DNAJC15: variants seen among roughly 807,000 people sequenced by gnomAD.
The protein encoded by DNAJC15 is dnaJ homolog subfamily C member 15.
A neutral mutation model predicts 22.4 loss-of-function variants in DNAJC15; 27 were observed. The observed-to-expected ratio is 1.20, with a 90% CI of 0.89 to 1.66. The LOEUF is 1.66. Among genes scored for constraint, DNAJC15 ranks in the 40% most tolerant of loss-of-function variants. The pLI is 0.00. For synonymous variants in DNAJC15, 79 were observed against 63.2 expected, an observed-to-expected ratio of 1.25 and a Z score of -1.19; for missense variants, 208 against 187.1, an observed-to-expected ratio of 1.11 and a Z score of -0.65.
At chr13:43,084,558 A>C (rs898726551) in intron 4 of DNAJC15, among the ~76,000 whole-genome samples, 1 of 152,232 alleles carries the variant, frequency 6.6e-6, no homozygotes, top group African/African-American at 2.4e-5. Flanking sequence ...CAATAATTAC[A>C]CTGTGCTTTA....
intron 1 of DNAJC15, among the ~76,000 whole-genome samples, chr13:43,049,365 A>G (rs1337381584): frequency 2.0e-5 from 3 of 152,266 alleles, no homozygotes; most frequent in African/African-American, 7.2e-5. Context: ...CATGTTTACA[A>G]CTGGATCAGA....
In DNAJC15 at chr13:43,043,742, G is replaced by T. The variant is rs185274680; in HGVS notation, c.108+20008G>T. On this transcript the variant is annotated intron_variant, in intron 1 of 5. Transcript: ENST00000379221. The stretch of plus-strand genomic sequence containing the variant: ...CTGTAGATACTAATGCTTGCCTGTG[G>T]TTTAAGAGAAATTAAGCAACTTAAA... Among the ~76,000 whole-genome samples the T allele has an allele frequency of 2.0e-5, 3 of 152,300 alleles. No individual in the cohort carries two copies. In the East Asian group the frequency reaches 5.8e-4, roughly 29 times the overall value.
At chr13:43,085,657 CA>C in intron 4 of DNAJC15, 110 bp from the exon 5 acceptor site, 1 of 745,654 alleles carries the variant, frequency 1.3e-6, no homozygotes, top group South Asian at 2.0e-5. Context: ...TATTTGTCCA[CA>C]AGATGGTGAA....
Position 43,068,999 on chromosome 13 carries a change from C to T in DNAJC15, c.230C>T (p.Thr77Ile), listed in dbSNP as rs1477233100. The change falls in exon 3 of 6, where the codon ACT becomes ATT. Residue 77 changes from threonine (T) to isoleucine (I), a missense_variant. By Grantham distance (89) the Thr-to-Ile change is moderately conservative. Coordinates refer to ENST00000379221, the MANE Select transcript of DNAJC15 (RefSeq NM_013238.3). ...VITETAKKISTPSFSSYYKGG... is the reference protein window; with the variant it reads ...VITETAKKISIPSFSSYYKGG... The stretch of plus-strand genomic sequence containing the variant: ...ACAGAAACTGCAAAGAAGATTTCAA[C>T]TCCTGTAAGTTAAACGTGGCTTTAG... 2 of 1,611,938 alleles carry T rather than the reference C, an allele frequency of 1.2e-6. No individual in the cohort carries two copies. The highest frequency in any genetic ancestry group is 4.5e-5 in the East Asian group (2 of 44,700).
At position 43,109,809 on chromosome 13, in the gene DNAJC15, T is replaced by A. The variant is rs2040815936; in HGVS notation, c.*2561T>A. On this transcript the variant is annotated 3_prime_UTR_variant, in exon 6 of 6. Transcript: ENST00000379221. The stretch of plus-strand genomic sequence containing the variant: ...CACCAACATGGCTCATGTCTACATA[T>A]GTAACAAACCTGCACGTTGTGCACA... 1 of 152,154 alleles carries A rather than the reference T, an allele frequency of 6.6e-6. No individual in the cohort carries two copies. Among genetic ancestry groups the A allele is most frequent in the Non-Finnish European group, 1.5e-5 (1 of 68,030 alleles). 9.4% of individuals were successfully genotyped at this position (152,154 alleles called of 1,614,324 possible). A position where few individuals can be genotyped will look rare whatever the true frequency, so the allele number is the denominator to read the frequency against.
At chr13:43,035,867 T>C (rs949224155) in intron 1 of DNAJC15, among the ~76,000 whole-genome samples, 1 of 151,284 alleles carries the variant, frequency 6.6e-6, no homozygotes, top group African/African-American at 2.4e-5. Context: ...ACCACAGGAG[T>C]GTGCCATCAT....
intron 4 of DNAJC15, among the ~76,000 whole-genome samples, chr13:43,082,362 A>G (rs2040666043): frequency 6.6e-6 from 1 of 152,182 alleles, no homozygotes; most frequent in Non-Finnish European, 1.5e-5. Flanking sequence ...TTTAGTTTTT[A>G]TACTAAGCTT....
At chr13:43,023,839 C>T (rs2040364856) in intron 1 of DNAJC15, 105 bp downstream of exon 1, 1 of 1,099,308 alleles carries the variant, frequency 9.1e-7, no homozygotes, top group East Asian at 2.6e-5. Flanking sequence ...CCCGCATTCG[C>T]TCACGGTCTG....
At chr13:43,023,841 C>A (rs2281778) in intron 1 of DNAJC15, 107 bp downstream of exon 1, 1 of 1,064,366 alleles carries the variant, frequency 9.4e-7, no homozygotes, top group Non-Finnish European at 1.4e-6. Context: ...CGCATTCGCT[C>A]ACGGTCTGTG....
At chr13:43,101,584 A>G (rs1938921965) in intron 5 of DNAJC15, among the ~76,000 whole-genome samples, 1 of 152,008 alleles carries the variant, frequency 6.6e-6, no homozygotes, top group South Asian at 2.1e-4. Context: ...TCTTCCCCCT[A>G]AGTCTCCAAA....
At chr13:43,066,223 A>G (rs1484725789) in intron 2 of DNAJC15, among the ~76,000 whole-genome samples, 1 of 151,964 alleles carries the variant, frequency 6.6e-6, no homozygotes, top group Non-Finnish European at 1.5e-5. Context: ...TTCACTGCTA[A>G]AATTACGTTT....
intron 3 of DNAJC15, among the ~76,000 whole-genome samples, chr13:43,076,439 T>G (rs1463501011): frequency 6.6e-6 from 1 of 152,226 alleles, no homozygotes; most frequent in African/African-American, 2.4e-5. Flanking sequence ...CCTTAGTTTC[T>G]TTTAGTATTC....
intron 5 of DNAJC15, among the ~76,000 whole-genome samples, chr13:43,104,940 C>A (rs2040789099): frequency 6.6e-6 from 1 of 151,876 alleles, no homozygotes; most frequent in African/African-American, 2.4e-5. Context: ...CCTCTCACCT[C>A]ACCCTCCCAA....
At chr13:43,105,381 C>G (rs113543840) in intron 5 of DNAJC15, among the ~76,000 whole-genome samples, 3 of 152,272 alleles carry the variant, frequency 2.0e-5, no homozygotes, top group African/African-American at 7.2e-5. Flanking sequence ...TCAAACACTA[C>G]TTGAAGAGAC....
intron 1 of DNAJC15, among the ~76,000 whole-genome samples, chr13:43,036,439 G>A (rs533400831): frequency 6.2e-4 from 94 of 152,242 alleles, no homozygotes; most frequent in African/African-American, 2.2e-3. Context: ...CAGAATGGAG[G>A]AAGTGCATGT....
intron 5 of DNAJC15, among the ~76,000 whole-genome samples, chr13:43,098,504 C>T (rs981094091): frequency 3.3e-5 from 5 of 152,052 alleles, no homozygotes; most frequent in South Asian, 2.1e-4. Context: ...TCTGATAAAC[C>T]GAATCAGACT....
In DNAJC15 at chr13:43,082,333, G is replaced by A. The variant is rs539238633; in HGVS notation, c.312-3435G>A. On this transcript the variant is annotated intron_variant, in intron 4 of 5. Transcript: ENST00000379221. ...CATCATATTTAAAGTTATACTGGAGGTATATCATCATAGCTACATTTAGTT... is the reference window on the plus strand; with the variant it reads ...CATCATATTTAAAGTTATACTGGAGATATATCATCATAGCTACATTTAGTT... Among the ~76,000 whole-genome samples the A allele has an allele frequency of 3.9e-5, 6 of 152,154 alleles. No individual in the cohort carries two copies. The East Asian group carries it at 1.2e-3, about 29-fold the overall frequency.
At chr13:43,072,596 T>C (rs1275297109) in intron 3 of DNAJC15, among the ~76,000 whole-genome samples, 1 of 152,092 alleles carries the variant, frequency 6.6e-6, no homozygotes, top group Non-Finnish European at 1.5e-5. Context: ...TTTTTTTTTT[T>C]TGGAGACAGA....
chr13:43,024,448 A>G (rs2040369985), intron 1 of DNAJC15, among the ~76,000 whole-genome samples: 2 of 139,392 alleles, frequency 1.4e-5, no homozygotes, highest in Non-Finnish European at 3.0e-5. Flanking sequence ...GTTTCAGGCC[A>G]TTCTCCTGCC....
Sources: allele counts gnomAD v4.1 joint callset (sites outside exome capture counted in the v4.1 genomes callset), GRCh38; gene constraint gnomAD v4.1.1; transcripts MANE v1.5; gene names NCBI Gene and HGNC (gene_info 2026-07-23, HGNC 2026-07-21).